EBF2: variants seen among roughly 807,000 people sequenced by gnomAD.
EBF2 encodes transcription factor COE2.
A neutral mutation model predicts 72.8 loss-of-function variants in EBF2; 21 were observed. The observed-to-expected ratio is 0.29, with a 90% CI of 0.20 to 0.42. The LOEUF is 0.42. EBF2 is among the 10% of genes least tolerant of loss of function. The pLI, the probability that EBF2 is intolerant of heterozygous loss-of-function variation, is 1.00. For synonymous variants in EBF2, 299 were observed against 274.2 expected (o/e 1.09, Z -0.89); for missense variants, 637 against 731.2 (o/e 0.87, Z 1.49).
Position 25,861,113 on chromosome 8 carries a change from T to A in EBF2, c.1278A>T (p.Gly426=). ...SSSPAHSGMM[G]INSYGSQLGV... Reference sequence around the variant, plus strand: ...CAAGCTGGCTGCCATAGGAGTTGATTCCCATCATGCCACTGTGCGCTGGGG... The same window carrying A: ...CAAGCTGGCTGCCATAGGAGTTGATACCCATCATGCCACTGTGCGCTGGGG... Residue 426 remains glycine, a synonymous_variant, in exon 13 of 16, where the codon GGA becomes GGT. Transcript: ENST00000520164. The A allele has an allele frequency of 6.2e-7, 1 of 1,614,170 alleles. No homozygotes were observed. Among genetic ancestry groups the A allele is most frequent in the Non-Finnish European group, 8.5e-7 (1 of 1,180,012 alleles).
intron 6 of EBF2, among the ~76,000 whole-genome samples, chr8:25,973,352 A>G (rs904611369): frequency 1.2e-4 from 18 of 152,150 alleles, no homozygotes; most frequent in African/African-American, 4.3e-4. Flanking sequence ...ATATTACTGA[A>G]GCCATTTCAG....
intron 6 of EBF2, among the ~76,000 whole-genome samples, chr8:25,996,885 T>C (rs1804641990): frequency 6.6e-6 from 1 of 152,166 alleles, no homozygotes; most frequent in Non-Finnish European, 1.5e-5. Context: ...TTTTTTTAAA[T>C]TGTGAAGAAT....
At position 25,858,417 on chromosome 8, in the gene EBF2, T is replaced by A; in HGVS notation, c.1430A>T (p.Asn477Ile). The stretch of plus-strand genomic sequence containing the variant: ...GACATTGCTGTAGCCATTCATACTG[T>A]TGCTGGAGGTACTGTAATTAGACTG... Reference protein sequence around the residue: ...PQQSNYSTSSNSMNGYSNVPM... With the variant: ...PQQSNYSTSSISMNGYSNVPM... The change falls in exon 14 of 16, where the codon AAC becomes ATC. Residue 477 changes from asparagine to isoleucine, a missense_variant. Transcript: ENST00000520164. 1 of 1,614,174 alleles carries A rather than the reference T, an allele frequency of 6.2e-7. No homozygotes were observed. The highest frequency in any genetic ancestry group is 8.5e-7 in the Non-Finnish European group (1 of 1,180,028).
rs73677426 is a variant in EBF2 at position 25,904,532 on chromosome 8, A to T, written c.633+3942T>A. Among the ~76,000 whole-genome samples the T allele has an allele frequency of 3.0e-3, 464 of 152,338 alleles. 1 individual carries two copies. Among genetic ancestry groups the T allele is most frequent in the African/African-American group, 0.011 (443 of 41,584 alleles). On this transcript the variant is annotated intron_variant, in intron 7 of 15. Coordinates refer to ENST00000520164, the MANE Select transcript of EBF2 (RefSeq NM_022659.4). ...CATTCAGATCAAATCCTCACGAAAG[A>T]ATCCTTCATATTAAATTTATGTTTG...
chr8:25,942,785 G>A lies in EBF2; in HGVS notation c.552-34230C>T, dbSNP rs189891048. Among the ~76,000 whole-genome samples, 855 of 152,266 alleles carry A rather than the reference G, an allele frequency of 5.6e-3. 2 individuals carry two copies. Among genetic ancestry groups the A allele is most frequent in the Non-Finnish European group, 9.0e-3 (612 of 68,020 alleles). ...GAACAGCCTTCGTTCCTGCGGGCTC[G>A]CCTACCTCCCCAGCTAGGGCCTCCT... On this transcript the variant is annotated intron_variant, in intron 6 of 15. Transcript: ENST00000520164.
chr8:25,968,991 T>A (rs1435962099), intron 6 of EBF2, among the ~76,000 whole-genome samples: 1 of 152,180 alleles, frequency 6.6e-6, no homozygotes, highest in Non-Finnish European at 1.5e-5. Context: ...CAAATAATTT[T>A]TTTAAAAAAC....
chr8:25,916,277 C>A (rs1461077875), intron 6 of EBF2, among the ~76,000 whole-genome samples: 17 of 107,258 alleles, frequency 1.6e-4, no homozygotes, highest in Non-Finnish European at 2.9e-4. Flanking sequence ...CAGAGTGAGA[C>A]TCTATCTCAA....
rs1801777348 is a variant in EBF2, at chr8:25,843,774, G to C, written c.*835C>G. 6.6e-6 allele frequency: 1 copy of C among 152,256 alleles called. No individual in the cohort carries two copies. The highest frequency in any genetic ancestry group is 2.4e-5 in the African/African-American group (1 of 41,438). The allele number at this position is 152,256 out of a possible 1,614,324, so 9.4% of individuals were successfully genotyped here. A position where few individuals can be genotyped will look rare whatever the true frequency, so the allele number is the denominator to read the frequency against. ...TGCTAGAGTGTCTGTTTCTGCATTA[G>C]GGTGTTCTGTGGGAATCTACATGTT... On this transcript the variant is annotated 3_prime_UTR_variant, in exon 16 of 16. Coordinates refer to ENST00000520164, the MANE Select transcript of EBF2 (RefSeq NM_022659.4).
chr8:25,959,697 G>T (rs1290712892), intron 6 of EBF2, among the ~76,000 whole-genome samples: 1 of 152,112 alleles, frequency 6.6e-6, no homozygotes, highest in East Asian at 1.9e-4. Flanking sequence ...CTTTGCCCCA[G>T]GTCCTGATGT....
chr8:25,973,393 A>G (rs934793959), intron 6 of EBF2, among the ~76,000 whole-genome samples: 1 of 152,098 alleles, frequency 6.6e-6, no homozygotes, highest in African/African-American at 2.4e-5. Context: ...TCTGGATCAT[A>G]TTTACAGGGC....
intron 6 of EBF2, among the ~76,000 whole-genome samples, chr8:25,986,056 C>A (rs764167840): frequency 7.4e-6 from 1 of 134,536 alleles, no homozygotes; most frequent in Non-Finnish European, 1.5e-5. Flanking sequence ...GTTTCATGAG[C>A]TTAATGATTA....
intron 13 of EBF2, 125 bp downstream of exon 13, chr8:25,860,924 G>T: frequency 1.0e-6 from 1 of 1,001,252 alleles, no homozygotes; most frequent in Non-Finnish European, 1.5e-6. Context: ...CCCAATCTAT[G>T]ATTGTATTGC....
chr8:26,038,398 A>G (rs1805540581), intron 5 of EBF2, among the ~76,000 whole-genome samples: 1 of 152,228 alleles, frequency 6.6e-6, no homozygotes, highest in South Asian at 2.1e-4. Flanking sequence ...TAAACAGCAT[A>G]AAATGAGGAG....
chr8:25,851,571 A>G (rs1801975279), intron 14 of EBF2, among the ~76,000 whole-genome samples: 1 of 151,762 alleles, frequency 6.6e-6, no homozygotes, highest in African/African-American at 2.4e-5. Context: ...TTTATCTTCT[A>G]TGTTCAACTT....
intron 6 of EBF2, among the ~76,000 whole-genome samples, chr8:25,980,951 TA>T (rs142542134): frequency 0.22 from 33,683 of 151,856 alleles, 4,274 homozygotes; most frequent in Non-Finnish European, 0.29. Flanking sequence ...GGGGAAGGTG[TA>T]ACCAGCTCAG....
At chr8:25,875,256 T>C (rs1203880161) in intron 10 of EBF2, among the ~76,000 whole-genome samples, 1 of 152,214 alleles carries the variant, frequency 6.6e-6, no homozygotes, top group African/African-American at 2.4e-5. Context: ...CAACAGTGAA[T>C]TGTGCTTGTG....
At chr8:25,949,255 G>A (rs1169017675) in intron 6 of EBF2, among the ~76,000 whole-genome samples, 1 of 152,132 alleles carries the variant, frequency 6.6e-6, no homozygotes, top group Admixed American at 6.5e-5. Flanking sequence ...GCTACAATTC[G>A]AGCCAGGCAA....
At chr8:26,043,208 C>T (rs1718212447) in intron 1 of EBF2, among the ~76,000 whole-genome samples, 1 of 152,238 alleles carries the variant, frequency 6.6e-6, no homozygotes, top group African/African-American at 2.4e-5. Context: ...CCATCAGATC[C>T]CATTTCACCG....
intron 11 of EBF2, among the ~76,000 whole-genome samples, chr8:25,862,504 G>C (rs144620005): frequency 1.6e-4 from 25 of 152,062 alleles, no homozygotes; most frequent in African/African-American, 5.3e-4. Flanking sequence ...TGTTTAATCA[G>C]CTCAAATGTT....
Sources: gnomAD v4.1 joint callset for allele counts (sites outside exome capture counted in the v4.1 genomes callset) on GRCh38, gnomAD v4.1.1 for gene constraint, MANE v1.5 for transcripts, NCBI Gene and HGNC (gene_info 2026-07-23, HGNC 2026-07-21) for gene names.